The following EPHA4 variants were observed in gnomAD, a reference collection of about 807,000 sequenced individuals.
EPHA4 encodes the protein ephrin type-A receptor 4.
In EPHA4, 19 loss-of-function variants were observed where a neutral mutation model predicts 108.3. The ratio of observed to expected loss-of-function variants is 0.18; its 90% CI spans 0.12 to 0.26. The LOEUF is 0.26. EPHA4 is among the 10% of genes least tolerant of loss of function. The probability of loss-of-function intolerance (pLI) is 1.00; values close to 1 mark genes in which losing one functional copy is unlikely to be tolerated. For missense variants in EPHA4, 917 were observed against 1,254.0 expected (o/e 0.73, Z 4.06); for synonymous variants, 449 against 455.5 (o/e 0.99, Z 0.18).
At chr2:221,457,824 G>T in intron 6 of EPHA4, 42 bp downstream of exon 6, 1 of 1,593,276 alleles carries the variant, frequency 6.3e-7, no homozygotes, top group Non-Finnish European at 8.6e-7. Context: ...AAGGAAGGAA[G>T]GAAGGAAGAA....
At chr2:221,428,899 CT>C (rs981811822) in intron 15 of EPHA4, among the ~76,000 whole-genome samples, 2 of 151,902 alleles carry the variant, frequency 1.3e-5, no homozygotes, top group Admixed American at 6.6e-5. Context: ...CCACAGTTCT[CT>C]TTTTTTTCAT....
At chr2:221,484,815 A>G (rs909113299) in intron 4 of EPHA4, among the ~76,000 whole-genome samples, 2 of 152,226 alleles carry the variant, frequency 1.3e-5, no homozygotes, top group African/African-American at 4.8e-5. Flanking sequence ...CAAAAGTACT[A>G]TCTGCCATTT....
intron 9 of EPHA4, among the ~76,000 whole-genome samples, chr2:221,445,660 G>T (rs906842890): frequency 4.8e-5 from 7 of 146,768 alleles, no homozygotes; most frequent in Non-Finnish European, 1.0e-4. Context: ...TGTCTTCTTT[G>T]ACCTCTTTGG....
intron 3 of EPHA4, among the ~76,000 whole-genome samples, chr2:221,509,543 G>T (rs776604153): frequency 2.0e-5 from 3 of 152,096 alleles, no homozygotes; most frequent in Non-Finnish European, 2.9e-5. Context: ...CCTGGTCTTT[G>T]GTTGCTTTAG....
chr2:221,436,750 A>G (rs1690252895), intron 12 of EPHA4, 142 bp from the exon 13 acceptor site: 1 of 893,828 alleles, frequency 1.1e-6, no homozygotes. Flanking sequence ...CTTTCTGACC[A>G]AAGTCGCTAA....
At chr2:221,466,391 ACTC>A (rs1405817222) in intron 5 of EPHA4, among the ~76,000 whole-genome samples, 1 of 151,960 alleles carries the variant, frequency 6.6e-6, no homozygotes, top group Middle Eastern at 3.2e-3. Context: ...ATGCCAGTAA[ACTC>A]CTGGGCAAGG....
chr2:221,493,275 ATCCTATGGT>A (rs1287854417), intron 4 of EPHA4, among the ~76,000 whole-genome samples: 1 of 152,160 alleles, frequency 6.6e-6, no homozygotes. Context: ...GCTGCATTTT[ATCCTATGGT>A]TTATACATCA....
chr2:221,551,473 C>A (rs985177299), intron 3 of EPHA4, among the ~76,000 whole-genome samples: 1 of 152,132 alleles, frequency 6.6e-6, no homozygotes, highest in Non-Finnish European at 1.5e-5. Flanking sequence ...AACATTACTT[C>A]TCTTCAGTAA....
chr2:221,505,983 T>C (rs558681068), intron 3 of EPHA4, among the ~76,000 whole-genome samples: 1 of 152,264 alleles, frequency 6.6e-6, no homozygotes, highest in East Asian at 1.9e-4. Flanking sequence ...GGTAACAAAT[T>C]TGCACCTTAA....
intron 3 of EPHA4, among the ~76,000 whole-genome samples, chr2:221,545,850 C>G (rs552890047): frequency 6.6e-6 from 1 of 152,304 alleles, no homozygotes; most frequent in East Asian, 1.9e-4. Flanking sequence ...CCACAAGATT[C>G]TACACTTAAA....
At chr2:221,561,242 AAAATAAAT>A (rs61027528) in intron 3 of EPHA4, among the ~76,000 whole-genome samples, 110 of 151,082 alleles carry the variant, frequency 7.3e-4, no homozygotes, top group African/African-American at 2.4e-3. Flanking sequence ...ACTCCATCTC[AAAATAAAT>A]AAATAAATAA....
intron 3 of EPHA4, among the ~76,000 whole-genome samples, chr2:221,549,609 G>C (rs752773882): frequency 3.3e-5 from 5 of 152,220 alleles, no homozygotes; most frequent in Non-Finnish European, 7.3e-5. Context: ...CCTGATTAAA[G>C]AGTAGCTCTA....
chr2:221,458,310 A>G (rs1691026215), intron 5 of EPHA4, among the ~76,000 whole-genome samples: 1 of 152,170 alleles, frequency 6.6e-6, no homozygotes, highest in Non-Finnish European at 1.5e-5. Flanking sequence ...CTGGTTTTTA[A>G]CCTTTTGTAA....
At chr2:221,504,731 T>C (rs945849827) in intron 3 of EPHA4, among the ~76,000 whole-genome samples, 11 of 152,182 alleles carry the variant, frequency 7.2e-5, no homozygotes, top group Non-Finnish European at 1.2e-4. Flanking sequence ...ATATGCTCAT[T>C]GATCATTTAA....
chr2:221,558,815 A>C (rs948112811), intron 3 of EPHA4, among the ~76,000 whole-genome samples: 1 of 152,204 alleles, frequency 6.6e-6, no homozygotes, highest in Non-Finnish European at 1.5e-5. Flanking sequence ...ATAGATAAAG[A>C]ATTACATTTT....
At chr2:221,504,582 G>A (rs904829119) in intron 3 of EPHA4, among the ~76,000 whole-genome samples, 1 of 150,168 alleles carries the variant, frequency 6.7e-6, no homozygotes, top group Admixed American at 6.6e-5. Context: ...TCATTTTTCT[G>A]CTTTTTAAGA....
At chr2:221,434,368 G>C in intron 13 of EPHA4, 77 bp from the exon 14 acceptor site, 2 of 1,499,192 alleles carry the variant, frequency 1.3e-6, no homozygotes, top group Non-Finnish European at 1.8e-6. Flanking sequence ...TGTAGTTCCT[G>C]CTAGCCAAGC....
intron 3 of EPHA4, among the ~76,000 whole-genome samples, chr2:221,507,936 T>C (rs1692681581): frequency 6.6e-6 from 1 of 152,214 alleles, no homozygotes; most frequent in Admixed American, 6.5e-5. Flanking sequence ...TGTATCAGAA[T>C]GACCTTAACA....
intron 4 of EPHA4, among the ~76,000 whole-genome samples, chr2:221,497,389 GT>G (rs1460438168): frequency 6.6e-6 from 1 of 152,152 alleles, no homozygotes; most frequent in Non-Finnish European, 1.5e-5. Flanking sequence ...TCAGCACTTT[GT>G]TTCCTCTTAA....
Sources: allele counts gnomAD v4.1 joint callset (sites outside exome capture counted in the v4.1 genomes callset), GRCh38; gene constraint gnomAD v4.1.1; transcripts MANE v1.5; gene names NCBI Gene and HGNC (gene_info 2026-07-23, HGNC 2026-07-21).